The following ADIPOR2 variants were observed in gnomAD, a reference collection of about 807,000 sequenced individuals.
ADIPOR2 encodes adiponectin receptor 2, also known as adiponectin receptor protein 2.
ADIPOR2 carries 18 observed loss-of-function variants against 40.9 expected under a neutral mutation model. The ratio of observed to expected loss-of-function variants is 0.44; its 90% confidence interval spans 0.30 to 0.65. ADIPOR2 has a LOEUF of 0.65. Ranked by LOEUF, ADIPOR2 falls within the 30% of genes least tolerant of loss-of-function variation. ADIPOR2 has a pLI of 0.09. For missense variants in ADIPOR2, 283 were observed against 479.2 expected (o/e 0.59, Z 3.82); for synonymous variants, 165 against 166.4 (o/e 0.99, Z 0.06).
intron 1 of ADIPOR2, among the ~76,000 whole-genome samples, chr12:1,736,188 C>A (rs533962118): frequency 6.6e-6 from 1 of 152,180 alleles, no homozygotes; most frequent in South Asian, 2.1e-4. Flanking sequence ...CCTCCTTGTA[C>A]CTCTGGTAGA....
In ADIPOR2 at chr12:1,786,425, T is replaced by G. The variant is rs192753878; in HGVS notation, c.*353T>G. 8 of 208,042 alleles carry G rather than the reference T, an allele frequency of 3.8e-5. No individual in the cohort carries two copies. The highest frequency in any genetic ancestry group is 1.6e-4 in the African/African-American group (7 of 43,544). 12.9% of individuals were successfully genotyped at this position (208,042 alleles called of 1,614,324 possible). On this transcript the variant is annotated 3_prime_UTR_variant, in exon 8 of 8. Coordinates refer to ENST00000357103, the MANE Select transcript of ADIPOR2 (RefSeq NM_024551.3). ...GGCGAAACAGTTTAGCTGGTGGTTC[T>G]TTCTTCTCCCTTTCTCTCTCTCTAT...
chr12:1,783,205 C>T (rs577241137), intron 6 of ADIPOR2, among the ~76,000 whole-genome samples: 83 of 151,892 alleles, frequency 5.5e-4, no homozygotes, highest in African/African-American at 1.8e-3. Flanking sequence ...ACCCCAACAA[C>T]GCCTGCTGCT....
At chr12:1,761,066 CTATTT>C (rs1353290487) in intron 2 of ADIPOR2, 1 of 152,014 alleles carries the variant, frequency 6.6e-6, no homozygotes, top group Non-Finnish European at 1.5e-5. Context: ...TATAATTGTT[CTATTT>C]TATTATTGGT....
At chr12:1,713,925 T>G (rs1452101356) in intron 1 of ADIPOR2, among the ~76,000 whole-genome samples, 1 of 151,960 alleles carries the variant, frequency 6.6e-6, no homozygotes. Flanking sequence ...CAGGAGGAAG[T>G]CAATTTCCTG....
chr12:1,736,754 C>T (rs2094731683), intron 1 of ADIPOR2, among the ~76,000 whole-genome samples: 1 of 152,208 alleles, frequency 6.6e-6, no homozygotes. Context: ...GCATTTAGTG[C>T]TATAAATTTC....
chr12:1,769,825 C>T (rs1051753589), intron 2 of ADIPOR2, among the ~76,000 whole-genome samples: 2 of 151,904 alleles, frequency 1.3e-5, no homozygotes, highest in African/African-American at 4.8e-5. Context: ...TACAGATGTG[C>T]GACACTGTGC....
At chr12:1,766,422 T>TAA (rs1207656144) in intron 2 of ADIPOR2, among the ~76,000 whole-genome samples, 1 of 152,230 alleles carries the variant, frequency 6.6e-6, no homozygotes, top group Non-Finnish European at 1.5e-5. Context: ...ACCTGGGGCC[T>TAA]GAAATCTAGG....
chr12:1,748,361 G>A (rs1222952471), intron 1 of ADIPOR2, among the ~76,000 whole-genome samples: 1 of 151,998 alleles, frequency 6.6e-6, no homozygotes, highest in South Asian at 2.1e-4. Context: ...CCATTCTCCT[G>A]CCTCAGCCTC....
At chr12:1,710,569 G>A (rs1026106077) in intron 1 of ADIPOR2, among the ~76,000 whole-genome samples, 6 of 152,002 alleles carry the variant, frequency 3.9e-5, no homozygotes, top group Non-Finnish European at 7.3e-5. Flanking sequence ...CTAAAGACAC[G>A]GGTGTTAGGC....
chr12:1,750,062 G>T (rs1304868160), intron 1 of ADIPOR2, among the ~76,000 whole-genome samples: 2 of 151,650 alleles, frequency 1.3e-5, no homozygotes, highest in African/African-American at 4.8e-5. Flanking sequence ...CAAACTCCTG[G>T]TCTTGAAGTG....
intron 1 of ADIPOR2, among the ~76,000 whole-genome samples, chr12:1,733,603 C>CTTAT (rs547326094): frequency 2.0e-5 from 3 of 151,832 alleles, no homozygotes; most frequent in African/African-American, 4.8e-5. Flanking sequence ...ACCATGTGTT[C>CTTAT]TTATTTATTT....
chr12:1,707,015 G>T (rs376515844), intron 1 of ADIPOR2, among the ~76,000 whole-genome samples: 1 of 152,116 alleles, frequency 6.6e-6, no homozygotes, highest in Non-Finnish European at 1.5e-5. Context: ...GTGTGTAAAT[G>T]GAATCATACT....
At chr12:1,710,558 A>G (rs1289328146) in intron 1 of ADIPOR2, among the ~76,000 whole-genome samples, 1 of 152,162 alleles carries the variant, frequency 6.6e-6, no homozygotes, top group East Asian at 1.9e-4. Context: ...CGGCCACCGG[A>G]CTAAAGACAC....
At chr12:1,750,774 A>G (rs1272908428) in intron 1 of ADIPOR2, among the ~76,000 whole-genome samples, 1 of 152,172 alleles carries the variant, frequency 6.6e-6, no homozygotes, top group Admixed American at 6.5e-5. Context: ...GTTGAAATCC[A>G]TATATCAATT....
intron 2 of ADIPOR2, among the ~76,000 whole-genome samples, chr12:1,761,455 G>A (rs1862268858): frequency 6.6e-6 from 1 of 152,138 alleles, no homozygotes; most frequent in Admixed American, 6.5e-5. Flanking sequence ...TTTCATAGCA[G>A]CTGCACCAGT....
Position 1,786,166 on chromosome 12 carries a change from C to A in ADIPOR2, c.*94C>A, listed in dbSNP as rs781037676. On this transcript the variant is annotated 3_prime_UTR_variant, in exon 8 of 8. Coordinates refer to ENST00000357103, the MANE Select transcript of ADIPOR2 (RefSeq NM_024551.3). ...CTACTGATGCCAGTACCAGAGGAGC[C>A]CCAAAACTTTGACAGCCTCGTGGGC... The A allele has an allele frequency of 6.6e-7, 1 of 1,507,806 alleles. No individual in the cohort carries two copies. Among genetic ancestry groups the A allele is most frequent in the Non-Finnish European group, 8.9e-7 (1 of 1,123,786 alleles). The allele number at this position is 1,507,806 out of a possible 1,614,324, so 93.4% of individuals were successfully genotyped here. A position where few individuals can be genotyped will look rare whatever the true frequency, so the allele number is the denominator to read the frequency against.
intron 1 of ADIPOR2, among the ~76,000 whole-genome samples, chr12:1,740,964 T>TAA (rs934114970): frequency 6.6e-6 from 1 of 152,120 alleles, no homozygotes; most frequent in Non-Finnish European, 1.5e-5. Flanking sequence ...CCTGGGAGCT[T>TAA]AAATGGTAAG....
chr12:1,743,265 TTG>T (rs1359720774), intron 1 of ADIPOR2, among the ~76,000 whole-genome samples: 1 of 135,994 alleles, frequency 7.4e-6, no homozygotes, highest in African/African-American at 2.7e-5. Flanking sequence ...TGAGCCAAGA[TTG>T]TGCCACTGCA....
Position 1,754,331 on chromosome 12 carries a change from G to C in ADIPOR2, c.-13G>C, listed in dbSNP as rs781405555. On this transcript the variant is annotated 5_prime_UTR_variant, in exon 2 of 8. Coordinates refer to ENST00000357103, the MANE Select transcript of ADIPOR2 (RefSeq NM_024551.3). ...AAAGACAGATCTATTTGTAAGAAAG[G>C]CTTGGGTATCCCATGAACGAGCCAA... 1 of 1,582,366 alleles carries C rather than the reference G, an allele frequency of 6.3e-7. No individual in the cohort carries two copies. Among genetic ancestry groups the C allele is most frequent in the South Asian group, 1.2e-5 (1 of 84,500 alleles).
Sources: gnomAD v4.1 joint callset for allele counts (sites outside exome capture counted in the v4.1 genomes callset) on GRCh38, gnomAD v4.1.1 for gene constraint, MANE v1.5 for transcripts, NCBI Gene and HGNC (gene_info 2026-07-23, HGNC 2026-07-21) for gene names.